Variants in GPHN observed in about 807,000 individuals in gnomAD.
The protein encoded by GPHN is gephyrin.
In GPHN, 17 loss-of-function variants were observed where a neutral mutation model predicts 95.5. The ratio of observed to expected loss-of-function variants is 0.18; its 90% CI spans 0.12 to 0.27. The LOEUF (loss-of-function observed/expected upper bound fraction) is 0.27, where lower values mean the gene tolerates loss of function less well. Among genes scored for constraint, GPHN ranks in the 10% least tolerant of loss-of-function variants. The pLI, the probability that GPHN is intolerant of heterozygous loss-of-function variation, is 1.00. For synonymous variants in GPHN, 320 were observed against 322.5 expected (o/e 0.99, Z 0.08); for missense variants, 660 against 978.1 (o/e 0.67, Z 4.34).
chr14:67,660,437 G>T, the GPHN span, among the ~76,000 whole-genome samples: 1 of 152,092 alleles, frequency 6.6e-6, no homozygotes, highest in Non-Finnish European at 1.5e-5. Context: ...CAGAAAAGGA[G>T]TCAGGATTCA....
At chr14:67,565,965 C>A in the GPHN span, among the ~76,000 whole-genome samples, 6 of 152,054 alleles carry the variant, frequency 3.9e-5, no homozygotes, top group African/African-American at 9.7e-5. Flanking sequence ...ACTAAAAATA[C>A]AAAAATTATT....
intron 11 of GPHN, among the ~76,000 whole-genome samples, chr14:67,059,298 T>C (rs1263337416): frequency 6.6e-6 from 1 of 152,210 alleles, no homozygotes; most frequent in Non-Finnish European, 1.5e-5. Context: ...TATTTTGTTT[T>C]TAATTAACAA....
At chr14:67,199,441 A>G in the GPHN span, 1 of 1,612,972 alleles carries the variant, frequency 6.2e-7, no homozygotes, top group Non-Finnish European at 8.5e-7. Flanking sequence ...GGGTCATCTT[A>G]CAAACCCCCA....
At chr14:67,678,315 TGCCTGTTA>T in the GPHN span, 1 of 1,585,658 alleles carries the variant, frequency 6.3e-7, no homozygotes, top group Non-Finnish European at 8.7e-7. Context: ...CAACTGGCAC[TGCCTGTTA>T]GTCTATTGGG....
At chr14:67,487,989 T>G in the GPHN span, among the ~76,000 whole-genome samples, 2 of 152,216 alleles carry the variant, frequency 1.3e-5, no homozygotes, top group African/African-American at 4.8e-5. Context: ...GATTCCAACA[T>G]TTTTTGTTTT....
chr14:67,181,024 G>C lies in GPHN; in HGVS notation c.*87G>C, dbSNP rs1197734553. 4.6e-6 allele frequency: 6 copies of C among 1,311,556 alleles called. No individual in the cohort carries two copies. The highest frequency in any genetic ancestry group is 2.9e-5 in the African/African-American group (2 of 68,964). 81.2% of individuals were successfully genotyped at this position (1,311,556 alleles called of 1,614,324 possible). On this transcript the variant is annotated 3_prime_UTR_variant, in exon 23 of 23. Coordinates refer to ENST00000478722, the MANE Select transcript of GPHN (RefSeq NM_020806.5). ...ATGCAACGGCACAGCTAGTTTTCCCGATTTGGATAAAAGTTGATCTGTATA... is the reference window on the plus strand; with the variant it reads ...ATGCAACGGCACAGCTAGTTTTCCCCATTTGGATAAAAGTTGATCTGTATA...
intron 1 of GPHN, among the ~76,000 whole-genome samples, chr14:66,645,178 A>G (rs548986717): frequency 6.6e-6 from 1 of 152,308 alleles, no homozygotes; most frequent in East Asian, 1.9e-4. Context: ...TCATAAAAAT[A>G]TTCTGGAAGC....
the GPHN span, among the ~76,000 whole-genome samples, chr14:67,484,384 C>T: frequency 3.9e-5 from 6 of 152,222 alleles, no homozygotes; most frequent in Non-Finnish European, 4.4e-5. Context: ...CTAGCTGCCT[C>T]GGTCTCTCTT....
intron 9 of GPHN, among the ~76,000 whole-genome samples, chr14:67,023,352 G>A (rs929453865): frequency 2.0e-5 from 3 of 151,818 alleles, no homozygotes; most frequent in South Asian, 4.2e-4. Context: ...TCCATATACC[G>A]ATTTTAAATA....
At chr14:66,737,163 C>T (rs911049651) in intron 2 of GPHN, among the ~76,000 whole-genome samples, 4 of 152,120 alleles carry the variant, frequency 2.6e-5, no homozygotes, top group South Asian at 2.1e-4. Context: ...TTCTGTAGTT[C>T]GTCGTTTCTA....
rs150226537 is a variant in GPHN at position 66,508,553 on chromosome 14, C to T, written c.26C>T (p.Thr9Ile). The T allele has an allele frequency of 6.2e-7, 1 of 1,614,140 alleles. No homozygotes were observed. Among genetic ancestry groups the T allele is most frequent in the Non-Finnish European group, 8.5e-7 (1 of 1,179,938 alleles). Residue 9 changes from threonine (T) to isoleucine (I), a missense_variant, in exon 1 of 23, where the codon ACT becomes ATT. Around this residue, in one of 6 missense-constraint regions of GPHN, gnomAD observed 92 missense variants for 91.9 expected, o/e 1.00. Coordinates refer to ENST00000478722, the MANE Select transcript of GPHN (RefSeq NM_020806.5). ...ATGGCGACCGAGGGAATGATCCTTA[C>T]TAACCACGACCATCAAATCCGTGTC... Reference protein sequence around the residue: MATEGMILTNHDHQIRVGV... With the variant: MATEGMILINHDHQIRVGV...
intron 15 of GPHN, 105 bp from the exon 16 acceptor site, chr14:67,112,913 T>C: frequency 2.1e-6 from 2 of 970,474 alleles, no homozygotes; most frequent in Non-Finnish European, 3.3e-6. Context: ...ATTTCTAGAC[T>C]TTTTTGTCTT....
At chr14:66,870,929 A>G (rs995838643) in intron 4 of GPHN, among the ~76,000 whole-genome samples, 3 of 152,210 alleles carry the variant, frequency 2.0e-5, no homozygotes, top group Admixed American at 2.0e-4. Flanking sequence ...TTCATACCAC[A>G]GAAGCAAAGC....
Position 66,888,248 on chromosome 14 carries a change from A to G in GPHN, c.389+8215A>G, listed in dbSNP as rs2064300484. Among the ~76,000 whole-genome samples the G allele has an allele frequency of 2.0e-5, 3 of 152,234 alleles. No homozygotes were observed. In the South Asian group the frequency reaches 6.2e-4, roughly 31 times the overall value. ...AATGTCAGATGTCACAAAAACAACT[A>G]TACCTAGACATACCATCTTCAAACT... On this transcript the variant is annotated intron_variant, in intron 5 of 22. Coordinates refer to ENST00000478722, the MANE Select transcript of GPHN (RefSeq NM_020806.5).
chr14:66,605,569 G>A (rs1222299592), intron 1 of GPHN, among the ~76,000 whole-genome samples: 19 of 127,752 alleles, frequency 1.5e-4, no homozygotes, highest in South Asian at 5.0e-4. Context: ...TCACTCTGTC[G>A]CCCAGACTGG....
chr14:67,258,157 G>A, the GPHN span, among the ~76,000 whole-genome samples: 1 of 151,958 alleles, frequency 6.6e-6, no homozygotes, highest in Admixed American at 6.6e-5. Context: ...GCAGTGTGCA[G>A]GGTTCTCAGA....
At chr14:66,903,272 G>C (rs1481179059) in intron 5 of GPHN, among the ~76,000 whole-genome samples, 3 of 152,100 alleles carry the variant, frequency 2.0e-5, no homozygotes, top group Non-Finnish European at 4.4e-5. Context: ...ATACTTGGCA[G>C]CTCCAGTGGT....
At chr14:67,453,033 A>C in the GPHN span, among the ~76,000 whole-genome samples, 1 of 152,174 alleles carries the variant, frequency 6.6e-6, no homozygotes, top group African/African-American at 2.4e-5. Flanking sequence ...TGTGTGCTAG[A>C]CACTTGAGAA....
intron 1 of GPHN, among the ~76,000 whole-genome samples, chr14:66,649,055 G>A (rs1441389331): frequency 6.6e-6 from 1 of 152,180 alleles, no homozygotes; most frequent in Non-Finnish European, 1.5e-5. Flanking sequence ...GGGTTGGCTG[G>A]GTGTGGTGGC....
Sources: allele counts gnomAD v4.1 joint callset (sites outside exome capture counted in the v4.1 genomes callset), GRCh38; gene constraint gnomAD v4.1.1; regional missense constraint gnomAD v4.1.1; transcripts MANE v1.5; gene names NCBI Gene and HGNC (gene_info 2026-07-23, HGNC 2026-07-21).